The following DHX40 variants were observed in gnomAD, a reference collection of about 807,000 sequenced individuals.
DHX40 encodes probable ATP-dependent RNA helicase DHX40.
A neutral mutation model predicts 89.6 loss-of-function variants in DHX40; 28 were observed. The ratio of observed to expected loss-of-function variants is 0.31; its 90% confidence interval spans 0.23 to 0.43. The LOEUF (loss-of-function observed/expected upper bound fraction) is 0.43. DHX40 is among the 20% of genes least tolerant of loss of function. DHX40 has a pLI of 1.00. For missense variants in DHX40, 457 were observed against 844.0 expected (o/e 0.54, Z 5.68); for synonymous variants, 226 against 283.6 (o/e 0.80, Z 2.04).
At chr17:59,587,156 CAAA>C (rs777942147) in intron 11 of DHX40, among the ~76,000 whole-genome samples, 1 of 108,534 alleles carries the variant, frequency 9.2e-6, no homozygotes. Context: ...ACCCTGTCTC[CAAA>C]AAAAAAAAAA....
At chr17:59,596,767 T>C (rs1277595469) in intron 12 of DHX40, among the ~76,000 whole-genome samples, 1 of 152,202 alleles carries the variant, frequency 6.6e-6, no homozygotes, top group Admixed American at 6.6e-5. Context: ...ACTTAAAGCA[T>C]GGGATAGAAG....
At chr17:59,565,814 C>G in intron 1 of DHX40, 31 bp downstream of exon 1, 5 of 1,549,204 alleles carry the variant, frequency 3.2e-6, no homozygotes, top group Non-Finnish European at 4.4e-6. Context: ...CGGAAGCCAG[C>G]GGGAGTTACG....
At chr17:59,590,276 C>T (rs1050786184) in intron 12 of DHX40, among the ~76,000 whole-genome samples, 11 of 148,322 alleles carry the variant, frequency 7.4e-5, no homozygotes, top group Admixed American at 2.0e-4. Flanking sequence ...TCCAAGTGAA[C>T]AGTATACCTT....
intron 10 of DHX40, among the ~76,000 whole-genome samples, chr17:59,585,305 CAGG>C (rs2143275398): frequency 1.6e-5 from 2 of 127,134 alleles, no homozygotes; most frequent in African/African-American, 6.5e-5. Context: ...CAGGCTGAGG[CAGG>C]AGAATCACTT....
chr17:59,590,964 C>T lies in DHX40; in HGVS notation c.1582+2911C>T, dbSNP rs1284668351. Among the ~76,000 whole-genome samples the T allele has an allele frequency of 3.3e-5, 5 of 150,846 alleles. No individual in the cohort carries two copies. In the East Asian group the frequency reaches 7.8e-4, roughly 23 times the overall value. Reference sequence around the variant, plus strand: ...GAGGTGGGATGATTGCTTGAGCCCACGAGATCAGGGCCAGCCTGGGCAACA... The same window carrying T: ...GAGGTGGGATGATTGCTTGAGCCCATGAGATCAGGGCCAGCCTGGGCAACA... On this transcript the variant is annotated intron_variant, in intron 12 of 17. Coordinates refer to ENST00000251241, the MANE Select transcript of DHX40 (RefSeq NM_024612.5).
chr17:59,581,129 G>GT (rs574717711), intron 10 of DHX40, among the ~76,000 whole-genome samples: 108 of 147,902 alleles, frequency 7.3e-4, no homozygotes, highest in Admixed American at 1.9e-3. Context: ...AAAGTGGAGT[G>GT]TTTTTTTTGT....
chr17:59,577,115 C>T lies in DHX40; in HGVS notation c.974-151C>T, dbSNP rs568037892. 588 of 679,850 alleles carry T rather than the reference C, an allele frequency of 8.6e-4. No individual in the cohort carries two copies. In the African/African-American group the frequency reaches 9.2e-3, roughly 11 times the overall value. 42.1% of individuals were successfully genotyped at this position (679,850 alleles called of 1,614,324 possible). A position where few individuals can be genotyped will look rare whatever the true frequency, so the allele number is the denominator to read the frequency against. On this transcript the variant is annotated intron_variant, in intron 7 of 17. Coordinates refer to ENST00000251241, the MANE Select transcript of DHX40 (RefSeq NM_024612.5). ...CGATATCCTGACCTTGTGATCCTCC[C>T]GCCTCAGCCTCCCAAAGTGCTGGGA...
In DHX40 at chr17:59,565,777, G is replaced by C. The variant is rs1489714847; in HGVS notation, c.106G>C (p.Asp36His). 26 of 1,600,592 alleles carry C rather than the reference G, an allele frequency of 1.6e-5. No homozygotes were observed. The highest frequency in any genetic ancestry group is 2.7e-5 in the African/African-American group (2 of 74,644). The change falls in exon 1 of 18, where the codon GAT (aspartate) becomes CAT (histidine). Residue 36 changes from aspartate to histidine, a missense_variant. Physicochemically the swap from Asp to His is moderately conservative, Grantham distance 81. This residue lies in a region of DHX40 where 75 missense variants were observed against 76.8 expected (regional missense o/e 0.98). Transcript: ENST00000251241. ...EERLSAVCIA[D>H]REEKGCTSQE... Reference sequence around the variant, plus strand: ...GCGGCTCTCGGCTGTTTGCATCGCCGATAGAGGTGCGGTCCGCGGGACGGT... The same window carrying C: ...GCGGCTCTCGGCTGTTTGCATCGCCCATAGAGGTGCGGTCCGCGGGACGGT...
chr17:59,578,045 A>G (rs1284051598), intron 8 of DHX40, among the ~76,000 whole-genome samples: 10 of 152,196 alleles, frequency 6.6e-5, no homozygotes, highest in African/African-American at 2.4e-4. Context: ...AAATAGTGCT[A>G]TCAAATTTTT....
rs2048844409 is a variant in DHX40, at chr17:59,573,829, T to C, written c.636T>C (p.Thr212=). ...EHLKVVVMSA[T]MELAKLSAFF... ...TAAAAGTGGTGGTAATGTCAGCAAC[T>C]ATGGAATTAGCCAAGCTCTCTGCAT... The change falls in exon 5 of 18, where the codon ACT becomes ACC. Residue 212 remains threonine (T), a synonymous_variant. Coordinates refer to ENST00000251241, the MANE Select transcript of DHX40 (RefSeq NM_024612.5). 4 of 1,613,484 alleles carry C rather than the reference T, an allele frequency of 2.5e-6. No individual in the cohort carries two copies.
intron 7 of DHX40, among the ~76,000 whole-genome samples, chr17:59,576,828 C>T (rs2048888793): frequency 6.7e-6 from 1 of 149,648 alleles, no homozygotes; most frequent in Non-Finnish European, 1.5e-5. Context: ...TTTTTTACTG[C>T]TACATTGAAA....
At chr17:59,569,741 T>TTTTC (rs1194943022) in intron 2 of DHX40, among the ~76,000 whole-genome samples, 1 of 145,142 alleles carries the variant, frequency 6.9e-6, no homozygotes, top group East Asian at 2.0e-4. Context: ...ATATATAATT[T>TTTTC]TTTCTTTCTT....
chr17:59,567,748 A>G (rs538972160), intron 2 of DHX40, among the ~76,000 whole-genome samples: 77 of 151,406 alleles, frequency 5.1e-4, no homozygotes, highest in African/African-American at 1.8e-3. Flanking sequence ...AACACAGTGA[A>G]ACCCTGTCTC....
intron 2 of DHX40, 75 bp downstream of exon 2, chr17:59,566,869 A>G (rs2048712635): frequency 1.5e-6 from 2 of 1,305,510 alleles, no homozygotes; most frequent in South Asian, 1.7e-5. Flanking sequence ...GGACTTCTGT[A>G]CTCCATGATT....
intron 12 of DHX40, among the ~76,000 whole-genome samples, chr17:59,592,612 C>G (rs1354720356): frequency 1.4e-5 from 2 of 147,824 alleles, no homozygotes; most frequent in African/African-American, 2.5e-5. Context: ...GAGTCTTGCT[C>G]TGTCATCCAG....
intron 2 of DHX40, 116 bp downstream of exon 2, chr17:59,566,910 C>A: frequency 1.2e-6 from 1 of 843,798 alleles, no homozygotes; most frequent in Non-Finnish European, 1.7e-6. Flanking sequence ...TCCCGCTTCT[C>A]TTGGCACACC....
chr17:59,587,369 A>G (rs986174998), intron 11 of DHX40, among the ~76,000 whole-genome samples: 2 of 149,842 alleles, frequency 1.3e-5, no homozygotes, highest in Admixed American at 6.7e-5. Flanking sequence ...GATTATAGGC[A>G]TGCACCACCA....
intron 12 of DHX40, among the ~76,000 whole-genome samples, chr17:59,588,781 C>G (rs1369766518): frequency 6.6e-6 from 1 of 152,054 alleles, no homozygotes; most frequent in African/African-American, 2.4e-5. Context: ...TTATTTTTGA[C>G]GAAGTCTACC....
intron 1 of DHX40, among the ~76,000 whole-genome samples, chr17:59,566,225 T>G (rs993857632): frequency 3.3e-5 from 5 of 152,152 alleles, no homozygotes; most frequent in African/African-American, 1.2e-4. Flanking sequence ...ACTTGAACCA[T>G]GAATCAGAAG....
Sources: allele counts gnomAD v4.1 joint callset (sites outside exome capture counted in the v4.1 genomes callset), GRCh38; gene constraint gnomAD v4.1.1; regional missense constraint gnomAD v4.1.1; transcripts MANE v1.5; gene names NCBI Gene and HGNC (gene_info 2026-07-23, HGNC 2026-07-21).